Variants in NFASC observed in about 807,000 individuals in gnomAD.
NFASC encodes the protein neurofascin homolog.
In NFASC, 43 loss-of-function variants were observed where a neutral mutation model predicts 147.5. That is an observed-to-expected ratio of 0.29 (90% CI 0.23 to 0.38). The LOEUF (loss-of-function observed/expected upper bound fraction) is 0.38, where lower values mean the gene tolerates loss of function less well. Ranked by LOEUF, NFASC falls within the 10% of genes least tolerant of loss-of-function variation. NFASC has a pLI of 1.00. For missense variants in NFASC, 1,320 were observed against 1,689.0 expected (o/e 0.78, Z 3.83); for synonymous variants, 622 against 665.5 (o/e 0.93, Z 1.01).
chr1:204,902,837 T>C lies in NFASC; in HGVS notation c.-199-17795T>C, dbSNP rs772804190. On this transcript the variant is annotated intron_variant, in intron 1 of 29. Transcript: ENST00000339876. ...CCAGTGAGGGGGAGAGGCATGTGAC[T>C]GTCAAATGCCACGAAGGGCCCACTT... Among the ~76,000 whole-genome samples, 11 of 152,286 alleles carry C rather than the reference T, an allele frequency of 7.2e-5. No individual in the cohort carries two copies. In the East Asian group the frequency reaches 1.9e-3, roughly 27 times the overall value.
chr1:204,971,419 T>C (rs1011514958), intron 11 of NFASC, among the ~76,000 whole-genome samples: 8 of 152,158 alleles, frequency 5.3e-5, no homozygotes, highest in Non-Finnish European at 1.0e-4. Flanking sequence ...GTCCTGTCCT[T>C]ACTTTCTCTA....
chr1:204,932,175 G>T (rs1382545986), intron 2 of NFASC, among the ~76,000 whole-genome samples: 1 of 152,152 alleles, frequency 6.6e-6, no homozygotes, highest in African/African-American at 2.4e-5. Flanking sequence ...TAAAGGTCTT[G>T]CTTTTAGTGA....
intron 1 of NFASC, among the ~76,000 whole-genome samples, chr1:204,909,532 C>T (rs1031712759): frequency 2.6e-5 from 4 of 152,192 alleles, no homozygotes; most frequent in Non-Finnish European, 4.4e-5. Context: ...TTCTCCCACT[C>T]GTCATCTTCT....
chr1:204,980,247 T>TACA, intron 19 of NFASC, 123 bp from the exon 20 acceptor site: 1 of 753,036 alleles, frequency 1.3e-6, no homozygotes, highest in Non-Finnish European at 2.4e-6. Context: ...ACCAAGCGTA[T>TACA]ACATAGATGC....
At chr1:204,962,468 GGA>G (rs2094725729) in intron 8 of NFASC, among the ~76,000 whole-genome samples, 1 of 152,200 alleles carries the variant, frequency 6.6e-6, no homozygotes, top group Admixed American at 6.5e-5. Flanking sequence ...TAGAAGCTTA[GGA>G]ATCAAGAATG....
chr1:204,853,919 G>A (rs982691121), intron 1 of NFASC, among the ~76,000 whole-genome samples: 2 of 152,180 alleles, frequency 1.3e-5, no homozygotes, highest in Non-Finnish European at 2.9e-5. Context: ...AAAGAGACAG[G>A]CCACAAGAGA....
intron 1 of NFASC, among the ~76,000 whole-genome samples, chr1:204,865,292 T>G (rs2077019675): frequency 6.6e-6 from 1 of 152,188 alleles, no homozygotes; most frequent in Non-Finnish European, 1.5e-5. Flanking sequence ...AATAATAAAA[T>G]AGAAAACTTA....
chr1:205,007,154 G>GT lies in NFASC; in HGVS notation c.3290-2392dup, dbSNP rs1339810920. ...GAAAAGTGTGGCAAGTTCCTCAAGGGTTTTTTTTTTTAAGACACAGGAACA... is the reference window on the plus strand; with the variant it reads ...GAAAAGTGTGGCAAGTTCCTCAAGGGTTTTTTTTTTTTAAGACACAGGAACA... On this transcript the variant is annotated intron_variant, in intron 27 of 29. Transcript: ENST00000339876. 2.4e-3 allele frequency among the ~76,000 whole-genome samples: 354 copies of GT among 146,852 alleles called. 2 individuals are homozygous for GT. Among genetic ancestry groups the GT allele is most frequent in the East Asian group, 5.5e-3 (28 of 5,046 alleles).
Position 205,008,599 on chromosome 1 carries a change from C to G in NFASC, c.3290-958C>G, listed in dbSNP as rs72755537. On this transcript the variant is annotated intron_variant, in intron 27 of 29. Coordinates refer to ENST00000339876, the MANE Select transcript of NFASC (RefSeq NM_001005388.3). Reference sequence around the variant, plus strand: ...GGTGAGTTGGTACTGACCACACCCCCCCTCCCAAACCCAAACCCAGCCATT... The same window carrying G: ...GGTGAGTTGGTACTGACCACACCCCGCCTCCCAAACCCAAACCCAGCCATT... The G allele has an allele frequency of 3.3e-5, 5 of 152,716 alleles. No individual in the cohort carries two copies. The East Asian group carries it at 9.7e-4, about 29-fold the overall frequency. 9.5% of individuals were successfully genotyped at this position (152,716 alleles called of 1,614,324 possible).
chr1:204,861,469 A>G (rs1401873262), intron 1 of NFASC, among the ~76,000 whole-genome samples: 1 of 152,036 alleles, frequency 6.6e-6, no homozygotes, highest in Non-Finnish European at 1.5e-5. Flanking sequence ...CATTTGGCTT[A>G]TTGAGGAACT....
intron 29 of NFASC, among the ~76,000 whole-genome samples, chr1:205,013,656 C>T (rs1159214685): frequency 6.6e-6 from 1 of 152,120 alleles, no homozygotes. Flanking sequence ...ATGGAGATGG[C>T]GAGTATGTTC....
At chr1:204,945,580 C>G (rs1377276799) in intron 3 of NFASC, among the ~76,000 whole-genome samples, 6 of 152,232 alleles carry the variant, frequency 3.9e-5, no homozygotes, top group Admixed American at 1.3e-4. Context: ...GTAAGTCAGA[C>G]CCAGAGGTAA....
At chr1:205,009,208 G>A (rs2096201984) in intron 27 of NFASC, 1 of 392,794 alleles carries the variant, frequency 2.5e-6, no homozygotes, top group East Asian at 6.1e-5. Context: ...GCCAATCCGT[G>A]GCCATCCCTC....
intron 7 of NFASC, among the ~76,000 whole-genome samples, chr1:204,957,275 C>T (rs1184610878): frequency 1.3e-5 from 2 of 152,206 alleles, no homozygotes; most frequent in African/African-American, 4.8e-5. Context: ...GCTGTCGCTG[C>T]TAGCTTGAGA....
At chr1:204,970,506 CGTG>C in intron 10 of NFASC, 107 bp from the exon 11 acceptor site, 1 of 1,278,604 alleles carries the variant, frequency 7.8e-7, no homozygotes, top group Non-Finnish European at 1.1e-6. Context: ...GTGGTGAGCA[CGTG>C]GTGCTGGGAC....
chr1:204,955,010 G>A (rs2094359170), intron 7 of NFASC, 59 bp downstream of exon 7: 3 of 1,578,064 alleles, frequency 1.9e-6, no homozygotes, highest in African/African-American at 1.4e-5. Context: ...TGGGGTGGGT[G>A]TGTTAAGTGG....
chr1:204,919,541 A>T (rs1369348232), intron 1 of NFASC, among the ~76,000 whole-genome samples: 1 of 152,102 alleles, frequency 6.6e-6, no homozygotes, highest in Non-Finnish European at 1.5e-5. Flanking sequence ...TGGAATTGGG[A>T]TTGTTGGGTC....
At chr1:205,007,480 G>A (rs1279739737) in intron 27 of NFASC, among the ~76,000 whole-genome samples, 52 of 139,548 alleles carry the variant, frequency 3.7e-4, no homozygotes, top group Admixed American at 2.9e-4. Context: ...GGATTGGGGG[G>A]AAGAGAAAAA....
rs7411808 is a variant in NFASC, at chr1:204,877,027, T to G, written c.-199-43605T>G. Reference sequence around the variant, plus strand: ...ATATATATATATATATATATATATATAATATATATTTATATATATATAATA... The same window carrying G: ...ATATATATATATATATATATATATAGAATATATATTTATATATATATAATA... On this transcript the variant is annotated intron_variant, in intron 1 of 29. Transcript: ENST00000339876. Among the ~76,000 whole-genome samples, 11 of 85,120 alleles carry G rather than the reference T, an allele frequency of 1.3e-4. No homozygotes were observed. The South Asian group carries it at 3.4e-3, about 27-fold the overall frequency. 55.8% of individuals were successfully genotyped at this position (85,120 alleles called of 152,430 possible).
Sources: gnomAD v4.1 joint callset for allele counts (sites outside exome capture counted in the v4.1 genomes callset) on GRCh38, gnomAD v4.1.1 for gene constraint, MANE v1.5 for transcripts, NCBI Gene and HGNC (gene_info 2026-07-23, HGNC 2026-07-21) for gene names.